The following ARHGAP18 variants were observed in gnomAD, a reference collection of about 807,000 sequenced individuals.
ARHGAP18 encodes Rho GTPase activating protein 18, also known as rho GTPase-activating protein 18.
A neutral mutation model predicts 86.2 loss-of-function variants in ARHGAP18; 67 were observed. That is an observed-to-expected ratio of 0.78 (90% CI 0.64 to 0.95). ARHGAP18 has a LOEUF of 0.95. ARHGAP18 is among the 40% of genes least tolerant of loss of function. The pLI is 0.00. For synonymous variants in ARHGAP18, 283 were observed against 280.4 expected (o/e 1.01, Z -0.09); for missense variants, 691 against 780.4 (o/e 0.89, Z 1.37).
intron 12 of ARHGAP18, among the ~76,000 whole-genome samples, chr6:129,597,840 T>C (rs1788645898): frequency 6.6e-6 from 1 of 152,200 alleles, no homozygotes; most frequent in East Asian, 1.9e-4. Flanking sequence ...CAGAGATCAT[T>C]CTCAGACCAG....
rs547977121 is a variant in ARHGAP18 at position 129,637,052 on chromosome 6, T to TTTG, written c.552+1339_552+1341dup. 1.0e-2 allele frequency among the ~76,000 whole-genome samples: 1,514 copies of TTTG among 151,898 alleles called. 26 individuals carry two copies. Among genetic ancestry groups the TTTG allele is most frequent in the African/African-American group, 0.032 (1,322 of 41,436 alleles). On this transcript the variant is annotated intron_variant, in intron 3 of 14. Coordinates refer to ENST00000368149, the MANE Select transcript of ARHGAP18 (RefSeq NM_033515.3). ...CTGAGCCACACAGTTCTTGTACTGTTTTGTTGTTGTTGTTGTTGTTGTTGT... is the reference window on the plus strand; with the variant it reads ...CTGAGCCACACAGTTCTTGTACTGTTTTGTTGTTGTTGTTGTTGTTGTTGTTGT...
intron 12 of ARHGAP18, 95 bp from the exon 13 acceptor site, chr6:129,584,207 C>G: frequency 2.0e-6 from 3 of 1,483,240 alleles, no homozygotes; most frequent in Non-Finnish European, 2.7e-6. Flanking sequence ...AACTACTACG[C>G]ATTTTACTTC....
At chr6:129,628,973 G>A (rs907118445) in intron 5 of ARHGAP18, among the ~76,000 whole-genome samples, 3 of 152,092 alleles carry the variant, frequency 2.0e-5, no homozygotes, top group Non-Finnish European at 4.4e-5. Context: ...AAAAGAAAAA[G>A]AGGTTATAAA....
intron 10 of ARHGAP18, among the ~76,000 whole-genome samples, chr6:129,605,002 T>A (rs1261533560): frequency 6.6e-6 from 1 of 152,138 alleles, no homozygotes; most frequent in Admixed American, 6.6e-5. Context: ...TTTGTTTTCT[T>A]AACTTGAAAG....
At chr6:129,659,129 T>A (rs906433785) in intron 1 of ARHGAP18, among the ~76,000 whole-genome samples, 1 of 152,222 alleles carries the variant, frequency 6.6e-6, no homozygotes, top group Non-Finnish European at 1.5e-5. Flanking sequence ...GTCTTTGAAA[T>A]CCTGCACATA....
intron 4 of ARHGAP18, among the ~76,000 whole-genome samples, chr6:129,632,016 C>A (rs942049951): frequency 1.3e-5 from 2 of 152,062 alleles, no homozygotes; most frequent in Non-Finnish European, 2.9e-5. Flanking sequence ...GTATCATTGG[C>A]GGAACATGTT....
At chr6:129,598,257 T>C (rs994567850) in intron 12 of ARHGAP18, among the ~76,000 whole-genome samples, 2 of 152,214 alleles carry the variant, frequency 1.3e-5, no homozygotes, top group African/African-American at 4.8e-5. Context: ...TTTAAAGATA[T>C]TTAAAACTTG....
intron 5 of ARHGAP18, among the ~76,000 whole-genome samples, chr6:129,625,946 ATT>A (rs1789451084): frequency 1.6e-5 from 1 of 62,576 alleles, no homozygotes; most frequent in African/African-American, 4.9e-5. Flanking sequence ...TATATTATAT[ATT>A]TATATATTAT....
intron 1 of ARHGAP18, among the ~76,000 whole-genome samples, chr6:129,708,316 G>C (rs1201631789): frequency 6.6e-6 from 1 of 152,108 alleles, no homozygotes; most frequent in Non-Finnish European, 1.5e-5. Flanking sequence ...TGGAGCTGTG[G>C]CCCCACACAG....
intron 1 of ARHGAP18, among the ~76,000 whole-genome samples, chr6:129,685,958 C>A (rs1284537879): frequency 1.3e-5 from 2 of 152,200 alleles, no homozygotes; most frequent in Admixed American, 6.5e-5. Flanking sequence ...AAGTTGACCC[C>A]ACTGTAAAAG....
chr6:129,584,866 G>C (rs1313666741), intron 12 of ARHGAP18, among the ~76,000 whole-genome samples: 3 of 152,204 alleles, frequency 2.0e-5, no homozygotes, highest in Middle Eastern at 3.4e-3. Context: ...ATGTTCAAAA[G>C]ATAATGCTTT....
Position 129,641,984 on chromosome 6 carries a change from T to G in ARHGAP18, c.148A>C (p.Ser50Arg), listed in dbSNP as rs1201863203. 2 of 1,613,900 alleles carry G rather than the reference T, an allele frequency of 1.2e-6. No individual in the cohort carries two copies. Among genetic ancestry groups the G allele is most frequent in the African/African-American group, 2.7e-5 (2 of 74,942 alleles). ...TTCTCCATAACTTTGATGGTGGTGC[T>G]TTCCTGGTTCATAGTGTACTGGCCA... ...RYGQYTMNQE[S>R]TTIKVMEKPP... The change falls in exon 2 of 15, where the codon AGC becomes CGC. Residue 50 changes from serine (S) to arginine (R), a missense_variant. By Grantham distance (110) the Ser-to-Arg change is moderately radical. Transcript: ENST00000368149.
chr6:129,614,033 CTT>C (rs1441791716), intron 7 of ARHGAP18, among the ~76,000 whole-genome samples: 2 of 152,076 alleles, frequency 1.3e-5, no homozygotes, highest in Admixed American at 1.3e-4. Context: ...ATAAGACAGA[CTT>C]TTTTCATAGA....
At chr6:129,700,974 T>A (rs1461577097) in intron 1 of ARHGAP18, among the ~76,000 whole-genome samples, 1 of 149,594 alleles carries the variant, frequency 6.7e-6, no homozygotes, top group Non-Finnish European at 1.5e-5. Flanking sequence ...TGCCAAGGCT[T>A]AGGTATAAAG....
intron 5 of ARHGAP18, among the ~76,000 whole-genome samples, chr6:129,625,886 ATTATATATTATATAT>A (rs1789441572): frequency 4.1e-5 from 3 of 73,182 alleles, no homozygotes; most frequent in East Asian, 3.3e-4. Flanking sequence ...ATATTTATAT[ATTATATATTATATAT>A]TTATATATTA....
chr6:129,673,557 C>T (rs1774177426), intron 1 of ARHGAP18, among the ~76,000 whole-genome samples: 1 of 152,144 alleles, frequency 6.6e-6, no homozygotes, highest in African/African-American at 2.4e-5. Context: ...CATTTTTAAG[C>T]TCTTATCTGT....
At chr6:129,645,384 A>C (rs1396942796) in intron 1 of ARHGAP18, among the ~76,000 whole-genome samples, 1 of 152,244 alleles carries the variant, frequency 6.6e-6, no homozygotes, top group Non-Finnish European at 1.5e-5. Flanking sequence ...AAAAACATAA[A>C]GCAACATCTG....
chr6:129,673,520 TTAAC>T (rs1412415272), intron 1 of ARHGAP18, among the ~76,000 whole-genome samples: 1 of 152,220 alleles, frequency 6.6e-6, no homozygotes, highest in Non-Finnish European at 1.5e-5. Context: ...CCTGCATGCC[TTAAC>T]TATTAGTCAA....
At chr6:129,616,684 A>C (rs944140457) in intron 6 of ARHGAP18, among the ~76,000 whole-genome samples, 2 of 152,216 alleles carry the variant, frequency 1.3e-5, no homozygotes, top group African/African-American at 4.8e-5. Flanking sequence ...GCAGTGGCTT[A>C]TGTCTATAAC....
Sources: allele counts gnomAD v4.1 joint callset (sites outside exome capture counted in the v4.1 genomes callset), GRCh38; gene constraint gnomAD v4.1.1; transcripts MANE v1.5; gene names NCBI Gene and HGNC (gene_info 2026-07-23, HGNC 2026-07-21).